Variants in RNF130 observed in about 807,000 individuals in gnomAD.
The protein encoded by RNF130 is ring finger protein 130, also known as E3 ubiquitin-protein ligase RNF130.
RNF130 carries 21 observed loss-of-function variants against 44.6 expected under a neutral mutation model. That is an observed-to-expected ratio of 0.47 (90% confidence interval 0.33 to 0.68). RNF130 has a LOEUF of 0.68. Among genes scored for constraint, RNF130 ranks in the 30% least tolerant of loss-of-function variants. The probability of loss-of-function intolerance (pLI) is 0.02; values close to 1 mark genes in which losing one functional copy is unlikely to be tolerated. For missense variants in RNF130, 479 were observed against 560.6 expected (o/e 0.85, Z 1.47); for synonymous variants, 214 against 210.4 (o/e 1.02, Z -0.15).
At chr5:180,030,632 G>A (rs1303058239) in intron 2 of RNF130, among the ~76,000 whole-genome samples, 3 of 152,196 alleles carry the variant, frequency 2.0e-5, no homozygotes, top group South Asian at 2.1e-4. Context: ...CTCAGTCTCC[G>A]ATGTAGCTGG....
chr5:180,022,420 T>C (rs1045348172), intron 2 of RNF130, among the ~76,000 whole-genome samples: 13 of 152,264 alleles, frequency 8.5e-5, no homozygotes, highest in African/African-American at 2.4e-5. Context: ...TAAGACCCTG[T>C]GTACAGAGCT....
At chr5:179,922,687 C>T (rs1052829061) in intron 7 of RNF130, among the ~76,000 whole-genome samples, 4 of 151,776 alleles carry the variant, frequency 2.6e-5, no homozygotes, top group African/African-American at 7.3e-5. Context: ...CCTGTAATCC[C>T]AGCACTTTGG....
Position 179,955,591 on chromosome 5 carries a change from G to A in RNF130, c.*63C>T, listed in dbSNP as rs1582138585. 5.6e-6 allele frequency: 8 copies of A among 1,416,040 alleles called. No individual in the cohort carries two copies. Among genetic ancestry groups the A allele is most frequent in the Admixed American group, 2.1e-5 (1 of 46,632 alleles). 87.7% of individuals were successfully genotyped at this position (1,416,040 alleles called of 1,614,324 possible). A position where few individuals can be genotyped will look rare whatever the true frequency, so the allele number is the denominator to read the frequency against. On this transcript the variant is annotated 3_prime_UTR_variant, in exon 9 of 9. Transcript: ENST00000521389. ...TTGTGTGGCATGATTGGTAAATGAT[G>A]CACAAAAATAGGTTCTTTTTTCCTT...
At chr5:179,960,882 T>C (rs78943184) in intron 8 of RNF130, among the ~76,000 whole-genome samples, 2,737 of 152,118 alleles carry the variant, frequency 0.018, 98 homozygotes, top group African/African-American at 0.061. Context: ...GTAAGTTTAT[T>C]GGTAGATAAA....
At chr5:179,933,146 T>C (rs571910296) in intron 7 of RNF130, among the ~76,000 whole-genome samples, 1 of 152,342 alleles carries the variant, frequency 6.6e-6, no homozygotes, top group South Asian at 2.1e-4. Context: ...CCTCTTTTTC[T>C]AGTCTCAGGA....
chr5:180,015,441 C>A, intron 2 of RNF130: 2 of 458,994 alleles, frequency 4.4e-6, no homozygotes, highest in Non-Finnish European at 9.5e-6. Flanking sequence ...AAGACTCAAG[C>A]TGGAAAAGGA....
rs1268947878 is a variant in RNF130 at position 179,937,933 on chromosome 5, T to TGTGA, written c.1151-17508_1151-17507insTCAC. Reference sequence around the variant, plus strand: ...GTGTGTGTGTGTGTGTGTGTGTGTGTGAGAGAGAGAGAGAGAGAGAGAGAG... The same window carrying TGTGA: ...GTGTGTGTGTGTGTGTGTGTGTGTGTGTGAGAGAGAGAGAGAGAGAGAGAGAGAG... On this transcript the variant is annotated intron_variant, in intron 7 of 7. Coordinates refer to the RNF130 transcript ENST00000522208. Among the ~76,000 whole-genome samples, 1,050 of 116,242 alleles carry TGTGA rather than the reference T, an allele frequency of 9.0e-3. 10 individuals carry two copies. Among genetic ancestry groups the TGTGA allele is most frequent in the African/African-American group, 0.023 (652 of 28,570 alleles). 76.3% of individuals were successfully genotyped at this position (116,242 alleles called of 152,430 possible).
At chr5:180,018,062 A>C (rs142876187) in intron 2 of RNF130, among the ~76,000 whole-genome samples, 123 of 152,266 alleles carry the variant, frequency 8.1e-4, no homozygotes, top group African/African-American at 2.8e-3. Flanking sequence ...TTGGGAGATC[A>C]AGGCGATGGA....
chr5:179,997,812 T>C (rs1388815557), intron 3 of RNF130, among the ~76,000 whole-genome samples: 1 of 151,890 alleles, frequency 6.6e-6, no homozygotes, highest in Non-Finnish European at 1.5e-5. Flanking sequence ...TTCATTATTT[T>C]TTTTTGCTTC....
At chr5:180,043,341 T>A (rs951707822) in intron 1 of RNF130, among the ~76,000 whole-genome samples, 1 of 151,580 alleles carries the variant, frequency 6.6e-6, no homozygotes, top group African/African-American at 2.4e-5. Context: ...ACAGTAATAA[T>A]TCCTTCATTC....
intron 1 of RNF130, among the ~76,000 whole-genome samples, chr5:180,055,272 A>AAC (rs1561709646): frequency 1.6e-4 from 3 of 18,950 alleles, no homozygotes; most frequent in Non-Finnish European, 2.3e-4. Flanking sequence ...AAAAAAAAAA[A>AAC]AAAAAAAACA....
At chr5:180,044,484 C>T (rs905104624) in intron 1 of RNF130, among the ~76,000 whole-genome samples, 2 of 152,120 alleles carry the variant, frequency 1.3e-5, no homozygotes, top group African/African-American at 2.4e-5. Context: ...CTCAGCTACA[C>T]GCTAAGTACC....
At chr5:180,029,849 C>CT (rs1428570710) in intron 2 of RNF130, among the ~76,000 whole-genome samples, 2 of 76,672 alleles carry the variant, frequency 2.6e-5, no homozygotes, top group Admixed American at 1.5e-4. Context: ...CCACTATCCA[C>CT]CTCTTTTTTT....
At chr5:179,914,189 C>G (rs2113665103) in exon 8 of RNF130, 1 of 152,364 alleles carries the variant, frequency 6.6e-6, no homozygotes, top group Non-Finnish European at 1.5e-5. Context: ...CTCCACGCCC[C>G]TCATATGTAA....
chr5:180,022,527 T>A (rs1214509589), intron 2 of RNF130, among the ~76,000 whole-genome samples: 3 of 152,208 alleles, frequency 2.0e-5, no homozygotes, highest in Non-Finnish European at 4.4e-5. Flanking sequence ...AAGAGTAGCA[T>A]GACACTAACA....
At chr5:180,040,772 A>C in intron 1 of RNF130, 125 bp from the exon 2 acceptor site, 1 of 756,494 alleles carries the variant, frequency 1.3e-6, no homozygotes, top group South Asian at 1.9e-5. Flanking sequence ...CTGCCAGCAG[A>C]GCTATGAATA....
At chr5:179,961,352 T>C (rs920122369) in intron 8 of RNF130, among the ~76,000 whole-genome samples, 2 of 152,168 alleles carry the variant, frequency 1.3e-5, no homozygotes, top group African/African-American at 2.4e-5. Context: ...AACTGTGAAA[T>C]CAACCCTCTA....
intron 3 of RNF130, among the ~76,000 whole-genome samples, chr5:179,981,431 A>C (rs1762836869): frequency 1.3e-5 from 2 of 152,264 alleles, no homozygotes; most frequent in South Asian, 4.1e-4. Context: ...GAAACATGTA[A>C]GAAAAAATTT....
At position 179,920,829 on chromosome 5, in the gene RNF130, G is replaced by A. The variant is rs796912321; in HGVS notation, c.1151-403C>T. 3.7e-4 allele frequency among the ~76,000 whole-genome samples: 52 copies of A among 142,276 alleles called. 1 individual carries two copies. Among genetic ancestry groups the A allele is most frequent in the African/African-American group, 1.1e-3 (40 of 36,412 alleles). The allele number at this position is 142,276 out of a possible 152,430, so 93.3% of individuals were successfully genotyped here. A position where few individuals can be genotyped will look rare whatever the true frequency, so the allele number is the denominator to read the frequency against. On this transcript the variant is annotated intron_variant, in intron 7 of 7. Transcript: ENST00000522208. ...TTTGAGATGGAGTTTTGCTTTTGTT[G>A]CCCAGACTGGAGTGCAGTAGTGTGA...
Sources: allele counts gnomAD v4.1 joint callset (sites outside exome capture counted in the v4.1 genomes callset), GRCh38; gene constraint gnomAD v4.1.1; transcripts MANE v1.5; gene names NCBI Gene and HGNC (gene_info 2026-07-23, HGNC 2026-07-21).